SAE1: variants seen among roughly 807,000 people sequenced by gnomAD.
SAE1 encodes SUMO1 activating enzyme subunit 1, also known as SUMO-activating enzyme subunit 1.
In SAE1, 11 loss-of-function variants were observed where a neutral mutation model predicts 40.6. That is an observed-to-expected ratio of 0.27 (90% CI 0.17 to 0.45). SAE1 has a LOEUF of 0.45. Ranked by LOEUF, SAE1 falls within the 20% of genes least tolerant of loss-of-function variation. The pLI is 1.00. For missense variants in SAE1, 373 were observed against 427.3 expected (o/e 0.87, Z 1.12); for synonymous variants, 155 against 154.3 (o/e 1.00, Z -0.03).
At chr19:47,185,961 C>T (rs1568604426) in intron 6 of SAE1, among the ~76,000 whole-genome samples, 1 of 149,436 alleles carries the variant, frequency 6.7e-6, no homozygotes, top group South Asian at 2.2e-4. Flanking sequence ...TTATTGGCCC[C>T]GGGCGTGGTG....
intron 6 of SAE1, among the ~76,000 whole-genome samples, chr19:47,192,947 G>A (rs1346694573): frequency 6.6e-6 from 1 of 151,972 alleles, no homozygotes; most frequent in Non-Finnish European, 1.5e-5. Context: ...TTACTCAGTT[G>A]CATTTATTTA....
intron 6 of SAE1, chr19:47,180,194 G>A (rs1335447801): frequency 4.4e-6 from 2 of 456,294 alleles, no homozygotes; most frequent in Admixed American, 2.3e-5. Context: ...AGACATCCCA[G>A]AAGCACTGAA....
intron 1 of SAE1, 147 bp from the exon 2 acceptor site, chr19:47,143,347 C>G (rs185728547): frequency 1.7e-6 from 1 of 597,056 alleles, no homozygotes; most frequent in East Asian, 3.0e-5. Flanking sequence ...TCAAGTGATC[C>G]GCCTATCTCA....
chr19:47,160,214 ATTTT>A (rs748289334), intron 5 of SAE1, among the ~76,000 whole-genome samples: 52 of 74,590 alleles, frequency 7.0e-4, no homozygotes, highest in African/African-American at 2.6e-3. Flanking sequence ...AAAATCCTGC[ATTTT>A]TTTTTTTTTT....
chr19:47,194,461 T>C (rs573566814), intron 6 of SAE1, among the ~76,000 whole-genome samples: 89 of 152,300 alleles, frequency 5.8e-4, no homozygotes, highest in Middle Eastern at 6.8e-3. Context: ...AATCAACATA[T>C]ACGGAAGAGA....
In SAE1 at chr19:47,143,621, C is replaced by T; in HGVS notation, c.210+16C>T. 1 of 1,567,530 alleles carries T rather than the reference C, an allele frequency of 6.4e-7. No homozygotes were observed. On this transcript the variant is annotated intron_variant, in intron 2 of 8. Coordinates refer to ENST00000270225, the MANE Select transcript of SAE1 (RefSeq NM_005500.3). ...TCACGAACAGGTGCGCTGTTGTGAGCTCATTCCTCCCCTGCTCTGGCTCCC... is the reference window on the plus strand; with the variant it reads ...TCACGAACAGGTGCGCTGTTGTGAGTTCATTCCTCCCCTGCTCTGGCTCCC...
rs377634387 is a variant in SAE1 at position 47,194,994 on chromosome 19, C to T, written c.734-2239C>T. ...TTCTGACCTCGTGATCTGCCTGCCTCGGCCTCCCAAAGTGCTGGGATTACA... is the reference window on the plus strand; with the variant it reads ...TTCTGACCTCGTGATCTGCCTGCCTTGGCCTCCCAAAGTGCTGGGATTACA... On this transcript the variant is annotated intron_variant, in intron 6 of 8. Coordinates refer to ENST00000270225, the MANE Select transcript of SAE1 (RefSeq NM_005500.3). 1.1e-3 allele frequency among the ~76,000 whole-genome samples: 159 copies of T among 150,952 alleles called. 4 individuals carry two copies. The South Asian group carries it at 0.032, about 31-fold the overall frequency.
At chr19:47,140,759 C>T (rs1403172022) in intron 1 of SAE1, among the ~76,000 whole-genome samples, 2 of 152,040 alleles carry the variant, frequency 1.3e-5, no homozygotes, top group Non-Finnish European at 2.9e-5. Flanking sequence ...CTTGCCACTG[C>T]CCTTCAATCT....
intron 5 of SAE1, among the ~76,000 whole-genome samples, chr19:47,156,065 A>T (rs2058322726): frequency 1.3e-5 from 2 of 151,888 alleles, no homozygotes; most frequent in South Asian, 4.1e-4. Context: ...TAAAGCAGCA[A>T]AACACCAGCC....
chr19:47,169,904 C>T lies in SAE1; in HGVS notation c.714C>T (p.Ser238=), dbSNP rs556635020. The change falls in exon 6 of 9, where the codon TCC becomes TCT. Residue 238 remains serine (S), a synonymous_variant. Coordinates refer to ENST00000270225, the MANE Select transcript of SAE1 (RefSeq NM_005500.3). ...AGGCTGCTCTGAAGCGCACGACCTCCGACTACTTTCTCCTTCAAGGTGAGG... is the reference window on the plus strand; with the variant it reads ...AGGCTGCTCTGAAGCGCACGACCTCTGACTACTTTCTCCTTCAAGGTGAGG... The part of the protein sequence containing the change: ...KAKAALKRTT[S]DYFLLQVLLK... 47 of 1,613,760 alleles carry T rather than the reference C, an allele frequency of 2.9e-5. No homozygotes were observed. Among genetic ancestry groups the T allele is most frequent in the Middle Eastern group, 3.3e-4 (2 of 6,060 alleles).
At chr19:47,182,494 T>TGTGC (rs979787653) in intron 6 of SAE1, among the ~76,000 whole-genome samples, 1 of 137,316 alleles carries the variant, frequency 7.3e-6, no homozygotes, top group Non-Finnish European at 1.5e-5. Context: ...TGTGTGTGTG[T>TGTGC]GTGCGCGCAC....
chr19:47,209,528 A>G lies in SAE1; in HGVS notation c.*277A>G. 2 of 559,200 alleles carry G rather than the reference A, an allele frequency of 3.6e-6. No homozygotes were observed. Among genetic ancestry groups the G allele is most frequent in the East Asian group, 3.0e-5 (1 of 33,232 alleles). The allele number at this position is 559,200 out of a possible 1,614,324, so 34.6% of individuals were successfully genotyped here. The stretch of plus-strand genomic sequence containing the variant: ...CTCCCCTGAGTGATGAGCACTTCCA[A>G]GCACCCCTCTGCCCTTTCTCTGTCC... On this transcript the variant is annotated 3_prime_UTR_variant, in exon 9 of 9. Transcript: ENST00000270225.
chr19:47,137,113 G>A (rs893744332), intron 1 of SAE1, among the ~76,000 whole-genome samples: 6 of 152,126 alleles, frequency 3.9e-5, no homozygotes, highest in Non-Finnish European at 5.9e-5. Flanking sequence ...AGTAAAGGCC[G>A]TCACAGTGAC....
intron 6 of SAE1, among the ~76,000 whole-genome samples, chr19:47,193,242 G>A (rs772201298): frequency 5.9e-5 from 9 of 151,804 alleles, no homozygotes; most frequent in Non-Finnish European, 1.3e-4. Flanking sequence ...GGTATTTTTA[G>A]TAGAGATGGG....
chr19:47,162,749 G>C (rs1166560227), intron 5 of SAE1, among the ~76,000 whole-genome samples: 1 of 152,102 alleles, frequency 6.6e-6, no homozygotes, highest in Non-Finnish European at 1.5e-5. Context: ...CCAGCACTTT[G>C]GGAAGCCAAA....
At chr19:47,149,682 G>A (rs1455469930) in intron 2 of SAE1, among the ~76,000 whole-genome samples, 2 of 152,102 alleles carry the variant, frequency 1.3e-5, no homozygotes, top group African/African-American at 4.8e-5. Flanking sequence ...ATAAACACAA[G>A]GGGGTGCTCT....
chr19:47,164,408 C>G (rs1381915715), intron 5 of SAE1, among the ~76,000 whole-genome samples: 1 of 152,074 alleles, frequency 6.6e-6, no homozygotes, highest in Non-Finnish European at 1.5e-5. Flanking sequence ...ACCTCGTGAT[C>G]CGCCCGCCTT....
intron 7 of SAE1, among the ~76,000 whole-genome samples, chr19:47,199,390 CAAAAAAAAA>C (rs35275499): frequency 5.3e-5 from 3 of 56,300 alleles, no homozygotes; most frequent in Non-Finnish European, 6.9e-5. Flanking sequence ...GACTCCTTCT[CAAAAAAAAA>C]AAAAAAAAAA....
intron 2 of SAE1, 81 bp from the exon 3 acceptor site, chr19:47,150,121 C>A: frequency 1.0e-6 from 1 of 982,848 alleles, no homozygotes; most frequent in Non-Finnish European, 1.4e-6. Flanking sequence ...TTTTAGCTAT[C>A]CTTTAAAATT....
Sources: gnomAD v4.1 joint callset for allele counts (sites outside exome capture counted in the v4.1 genomes callset) on GRCh38, gnomAD v4.1.1 for gene constraint, MANE v1.5 for transcripts, NCBI Gene and HGNC (gene_info 2026-07-23, HGNC 2026-07-21) for gene names.